IKZF2: variants seen among roughly 807,000 people sequenced by gnomAD.
The protein encoded by IKZF2 is IKAROS family zinc finger 2.
In IKZF2, 15 loss-of-function variants were observed where a neutral mutation model predicts 49.2. The observed-to-expected ratio is 0.30, with a 90% CI of 0.20 to 0.47. The LOEUF (loss-of-function observed/expected upper bound fraction) is 0.47. Ranked by LOEUF, IKZF2 falls within the 20% of genes least tolerant of loss-of-function variation. IKZF2 has a pLI of 1.00. For synonymous variants in IKZF2, 227 were observed against 221.4 expected, an observed-to-expected ratio of 1.03 and a Z score of -0.23; for missense variants, 567 against 664.6, an observed-to-expected ratio of 0.85 and a Z score of 1.61.
chr2:213,007,855 A>G lies in IKZF2; in HGVS notation c.1086T>C (p.Asn362=), dbSNP rs1695506533. 12 of 1,613,388 alleles carry G rather than the reference A, an allele frequency of 7.4e-6. No homozygotes were observed. The highest frequency in any genetic ancestry group is 6.8e-6 in the Non-Finnish European group (8 of 1,179,734). Residue 362 remains asparagine, a synonymous_variant, in exon 9 of 9, where the codon AAT becomes AAC. Transcript: ENST00000434687. ...CCCTGCTAATGGGTCTTTCTATCCTATTTGGATGATAGACCTGAGAATAAG... is the reference window on the plus strand; with the variant it reads ...CCCTGCTAATGGGTCTTTCTATCCTGTTTGGATGATAGACCTGAGAATAAG... ...SSAYSQVYHP[N]RIERPISRET...
chr2:213,043,355 G>A (rs1487351910), intron 6 of IKZF2, among the ~76,000 whole-genome samples: 2 of 152,028 alleles, frequency 1.3e-5, no homozygotes, highest in African/African-American at 4.8e-5. Flanking sequence ...AAATCAAGAT[G>A]AGAAATTTTT....
At chr2:213,104,975 A>AGGGACCTAT (rs1325070355) in intron 4 of IKZF2, among the ~76,000 whole-genome samples, 1 of 152,158 alleles carries the variant, frequency 6.6e-6, no homozygotes, top group African/African-American at 2.4e-5. Flanking sequence ...TTCACACACC[A>AGGGACCTAT]GGGACCTATG....
chr2:213,042,216 A>G (rs1014079813), intron 6 of IKZF2, among the ~76,000 whole-genome samples: 1 of 4,680 alleles, frequency 2.1e-4, no homozygotes, highest in Non-Finnish European at 6.8e-4. Context: ...GTCATTTATC[A>G]CTTAGCAGGG....
chr2:213,102,235 T>G lies in IKZF2; in HGVS notation c.140-45136A>C, dbSNP rs563474897. Among the ~76,000 whole-genome samples the G allele has an allele frequency of 8.5e-5, 13 of 152,288 alleles. No homozygotes were observed. In the East Asian group the frequency reaches 2.5e-3, roughly 29 times the overall value. ...AGTCCCAGAAATATTGACTACTTTC[T>G]GTACCCGGGAAAACCAAGGCGTGGT... On this transcript the variant is annotated intron_variant, in intron 4 of 8. Coordinates refer to ENST00000434687, the MANE Select transcript of IKZF2 (RefSeq NM_001387220.1).
intron 4 of IKZF2, among the ~76,000 whole-genome samples, chr2:213,094,048 T>C (rs575010593): frequency 6.6e-6 from 1 of 152,158 alleles, no homozygotes; most frequent in African/African-American, 2.4e-5. Flanking sequence ...TGTGAACATG[T>C]GAAAAGGGAA....
intron 4 of IKZF2, among the ~76,000 whole-genome samples, chr2:213,069,316 A>C (rs1020562630): frequency 1.3e-5 from 2 of 152,172 alleles, no homozygotes; most frequent in Non-Finnish European, 2.9e-5. Flanking sequence ...TAGTTTTAGA[A>C]GCCTAAAGTC....
chr2:213,111,294 T>A (rs900963602), intron 4 of IKZF2, among the ~76,000 whole-genome samples: 11 of 152,046 alleles, frequency 7.2e-5, no homozygotes, highest in Admixed American at 6.6e-4. Context: ...AAGTTCAGTA[T>A]AAGATATAAG....
In IKZF2 at chr2:213,013,713, A is replaced by T. The variant is rs921240452; in HGVS notation, c.856+78T>A. ...TTTCATGAACTGAAACACACCATAT[A>T]TATTTCTAATACATGGGAACTTGCC... On this transcript the variant is annotated intron_variant, in intron 8 of 8. Transcript: ENST00000434687. The T allele has an allele frequency of 6.3e-6, 8 of 1,279,196 alleles. No individual in the cohort carries two copies. In the South Asian group the frequency reaches 1.1e-4, roughly 18 times the overall value. The allele number at this position is 1,279,196 out of a possible 1,614,324, so 79.2% of individuals were successfully genotyped here.
intron 4 of IKZF2, among the ~76,000 whole-genome samples, chr2:213,081,907 G>C (rs4672672): frequency 0.86 from 131,006 of 152,148 alleles, 56,637 homozygotes; most frequent in African/African-American, 0.91. Context: ...AGTCCATTAA[G>C]GATATTCAAT....
chr2:213,007,631 A>T lies in IKZF2; in HGVS notation c.1310T>A (p.Met437Lys). The change falls in exon 9 of 9, where the codon ATG (methionine) becomes AAG (lysine). Residue 437 changes from methionine to lysine, a missense_variant. Transcript: ENST00000434687. ...NPKRKQSPAY[M>K]KEDVKALDTT... The stretch of plus-strand genomic sequence containing the variant: ...ATCCAAAGCTTTGACATCCTCCTTC[A>T]TGTAAGCTGGGCTTTGTTTCCTCTT... 2 of 1,613,636 alleles carry T rather than the reference A, an allele frequency of 1.2e-6. No homozygotes were observed. Among genetic ancestry groups the T allele is most frequent in the Non-Finnish European group, 1.7e-6 (2 of 1,179,716 alleles).
chr2:213,009,187 TTAAA>T (rs2125017928), intron 8 of IKZF2, among the ~76,000 whole-genome samples: 1 of 152,274 alleles, frequency 6.6e-6, no homozygotes, highest in Admixed American at 6.5e-5. Context: ...CAGTTTTTCC[TTAAA>T]TATACACCTC....
chr2:213,147,108 C>A (rs962673644), intron 4 of IKZF2, among the ~76,000 whole-genome samples: 1 of 152,054 alleles, frequency 6.6e-6, no homozygotes, highest in Non-Finnish European at 1.5e-5. Flanking sequence ...AAAACAGTAG[C>A]CAAAACTGTC....
chr2:213,052,665 G>A (rs1458457275), intron 5 of IKZF2, among the ~76,000 whole-genome samples: 1 of 152,028 alleles, frequency 6.6e-6, no homozygotes, highest in Non-Finnish European at 1.5e-5. Context: ...GGTAATTTAT[G>A]AGATTTCTAA....
At position 213,013,885 on chromosome 2, in the gene IKZF2, ATTG is replaced by A. The variant is rs1233211641; in HGVS notation, c.759_761del (p.Asn254del). On this transcript the variant is annotated inframe_deletion, in exon 8 of 9. Coordinates refer to ENST00000434687, the MANE Select transcript of IKZF2 (RefSeq NM_001387220.1). The stretch of plus-strand genomic sequence containing the variant: ...GTCTCTCAAAAGGCACCAGAGAAAT[ATTG>A]TTGTCCATAATAGGCTCTTGTTCCT... The A allele has an allele frequency of 6.2e-7, 1 of 1,611,970 alleles. No homozygotes were observed. Among genetic ancestry groups the A allele is most frequent in the East Asian group, 2.2e-5 (1 of 44,826 alleles).
intron 4 of IKZF2, among the ~76,000 whole-genome samples, chr2:213,124,727 G>T (rs559252258): frequency 6.6e-6 from 1 of 152,270 alleles, no homozygotes; most frequent in East Asian, 1.9e-4. Context: ...AAAGTACCAG[G>T]TTTCATCTTT....
chr2:213,146,058 C>T (rs1319728384), intron 4 of IKZF2, among the ~76,000 whole-genome samples: 1 of 152,036 alleles, frequency 6.6e-6, no homozygotes, highest in African/African-American at 2.4e-5. Context: ...AAGCATTTTC[C>T]TGTGGTTGTG....
chr2:213,151,213 ATAT>A (rs1235296989), intron 1 of IKZF2, among the ~76,000 whole-genome samples, 197 bp downstream of exon 1: 4 of 151,804 alleles, frequency 2.6e-5, no homozygotes, highest in African/African-American at 4.8e-5. Context: ...AAAAATACCT[ATAT>A]TATTATTATT....
intron 4 of IKZF2, among the ~76,000 whole-genome samples, chr2:213,139,545 T>A (rs1237784709): frequency 6.7e-6 from 1 of 148,456 alleles, no homozygotes; most frequent in Admixed American, 6.7e-5. Context: ...AGCTCCTATG[T>A]TTGTTGGTTG....
intron 4 of IKZF2, chr2:213,097,941 C>G (rs1706208463): frequency 3.4e-6 from 1 of 297,774 alleles, no homozygotes; most frequent in South Asian, 3.0e-5. Flanking sequence ...ACTTCTAATT[C>G]TATATTTTTG....
Sources: gnomAD v4.1 joint callset for allele counts (sites outside exome capture counted in the v4.1 genomes callset) on GRCh38, gnomAD v4.1.1 for gene constraint, MANE v1.5 for transcripts, NCBI Gene and HGNC (gene_info 2026-07-23, HGNC 2026-07-21) for gene names.